CAMKV: variants seen among roughly 807,000 people sequenced by gnomAD.
CAMKV encodes caM kinase-like vesicle-associated protein.
A neutral mutation model predicts 50.2 loss-of-function variants in CAMKV; 5 were observed. The ratio of observed to expected loss-of-function variants is 0.10; its 90% CI spans 0.05 to 0.21. The LOEUF (loss-of-function observed/expected upper bound fraction) is 0.21. Ranked by LOEUF, CAMKV falls within the 10% of genes least tolerant of loss-of-function variation. The pLI, the probability that CAMKV is intolerant of heterozygous loss-of-function variation, is 1.00. For missense variants in CAMKV, 361 were observed against 650.5 expected, an observed-to-expected ratio of 0.55 and a Z score of 4.84; for synonymous variants, 229 against 250.1, an observed-to-expected ratio of 0.92 and a Z score of 0.80.
chr3:49,862,001 C>T lies in CAMKV; in HGVS notation c.227+44G>A. Reference sequence around the variant, plus strand: ...AGGCCACTTGCCCTCTAAGCCCTTCCCTGCTGCCTCCCACCCCGCCCCAAT... The same window carrying T: ...AGGCCACTTGCCCTCTAAGCCCTTCTCTGCTGCCTCCCACCCCGCCCCAAT... On this transcript the variant is annotated intron_variant, in intron 3 of 10. Transcript: ENST00000477224. This position sits in a 1 kb window ranked among gnomAD's most constrained non-coding sequence, Gnocchi z 5.2. 1 of 1,613,358 alleles carries T rather than the reference C, an allele frequency of 6.2e-7. No individual in the cohort carries two copies. The highest frequency in any genetic ancestry group is 8.5e-7 in the Non-Finnish European group (1 of 1,179,652).
intron 1 of CAMKV, among the ~76,000 whole-genome samples, chr3:49,864,652 G>C (rs568280308): frequency 2.6e-5 from 4 of 152,260 alleles, no homozygotes; most frequent in Admixed American, 6.5e-5. Context: ...TGTGACACTG[G>C]GGCTACAGCA....
intron 1 of CAMKV, among the ~76,000 whole-genome samples, chr3:49,867,753 A>G (rs183411836): frequency 6.8e-4 from 103 of 152,074 alleles, no homozygotes; most frequent in Non-Finnish European, 1.1e-3. Context: ...GAATTTAGAA[A>G]AAAGAGAATG....
At position 49,861,778 on chromosome 3, in the gene CAMKV, G is replaced by C. The variant is rs771108006; in HGVS notation, c.302+13C>G. 1 of 1,613,504 alleles carries C rather than the reference G, an allele frequency of 6.2e-7. No individual in the cohort carries two copies. Among genetic ancestry groups the C allele is most frequent in the East Asian group, 2.2e-5 (1 of 44,884 alleles). ...GGCGCTGGGGAATCTTGGGTCCCCAGACCCACACTCACAGCTCCAGGAAGA... is the reference window on the plus strand; with the variant it reads ...GGCGCTGGGGAATCTTGGGTCCCCACACCCACACTCACAGCTCCAGGAAGA... On this transcript the variant is annotated intron_variant, in intron 4 of 10. Transcript: ENST00000477224. The surrounding 1 kb of genome is among the most constrained non-coding windows in gnomAD (Gnocchi z 7.7).
chr3:49,862,526 G>T lies in CAMKV; in HGVS notation c.-14-124C>A. The T allele has an allele frequency of 2.6e-6, 2 of 780,428 alleles. No homozygotes were observed. Among genetic ancestry groups the T allele is most frequent in the Non-Finnish European group, 2.2e-6 (1 of 458,704 alleles). 48.3% of individuals were successfully genotyped at this position (780,428 alleles called of 1,614,324 possible). ...TAGGGGCAGAGACCATACCAGGAGG[G>T]GCTAGAGGATAGGCAGGCTTAGATC... On this transcript the variant is annotated intron_variant, in intron 1 of 10. Transcript: ENST00000477224. This position sits in a 1 kb window ranked among gnomAD's most constrained non-coding sequence, Gnocchi z 5.2.
In CAMKV at chr3:49,858,338, C is replaced by T; in HGVS notation, c.*980G>A. Reference sequence around the variant, plus strand: ...TTGTTGAACTGAGCAGAAAATCTGCCCCTGTAAAGGGCAAACCTCCAAATC... The same window carrying T: ...TTGTTGAACTGAGCAGAAAATCTGCTCCTGTAAAGGGCAAACCTCCAAATC... On this transcript the variant is annotated 3_prime_UTR_variant, in exon 11 of 11. Coordinates refer to ENST00000477224, the MANE Select transcript of CAMKV (RefSeq NM_024046.5). 2.5e-6 allele frequency: 1 copy of T among 398,586 alleles called. No individual in the cohort carries two copies. The highest frequency in any genetic ancestry group is 4.4e-5 in the Admixed American group (1 of 22,738). 24.7% of individuals were successfully genotyped at this position (398,586 alleles called of 1,614,324 possible).
intron 1 of CAMKV, among the ~76,000 whole-genome samples, chr3:49,865,831 C>T (rs1347607621): frequency 6.6e-6 from 1 of 152,272 alleles, no homozygotes; most frequent in Non-Finnish European, 1.5e-5. Context: ...CCCACTCCAA[C>T]AGCTCCCAGC....
rs1479454460 is a variant in CAMKV at position 49,860,134 on chromosome 3, T to G, written c.942+37A>C. 6.4e-7 allele frequency: 1 copy of G among 1,567,342 alleles called. No homozygotes were observed. Among genetic ancestry groups the G allele is most frequent in the South Asian group, 1.1e-5 (1 of 90,106 alleles). ...GAAACTGAGTGCCAGAAGCAATACT[T>G]GGGATAGAGCCAAGAAGGGAGTTAT... is the stretch of plus-strand genomic sequence containing the variant. On this transcript the variant is annotated intron_variant, in intron 10 of 10. Coordinates refer to ENST00000477224, the MANE Select transcript of CAMKV (RefSeq NM_024046.5). This position sits in a 1 kb window ranked among gnomAD's most constrained non-coding sequence, Gnocchi z 6.1.
rs1293236087 is a variant in CAMKV at position 49,859,894 on chromosome 3, C to T, written c.943-13G>A. The T allele has an allele frequency of 6.6e-7, 1 of 1,509,224 alleles. No individual in the cohort carries two copies. Among genetic ancestry groups the T allele is most frequent in the Non-Finnish European group, 8.8e-7 (1 of 1,137,290 alleles). The allele number at this position is 1,509,224 out of a possible 1,614,324, so 93.5% of individuals were successfully genotyped here. A position where few individuals can be genotyped will look rare whatever the true frequency, so the allele number is the denominator to read the frequency against. On this transcript the variant is annotated splice_polypyrimidine_tract_variant and intron_variant, in intron 10 of 10. Transcript: ENST00000477224. The surrounding 1 kb of genome is among the most constrained non-coding windows in gnomAD (Gnocchi z 5.5). The stretch of plus-strand genomic sequence containing the variant: ...CTCGGACAGCCTTCTGAAAGGAGCA[C>T]AGTGGAGAAAGGCTAAGGGTGAGGC...
At chr3:49,867,149 C>G (rs1026792110) in intron 1 of CAMKV, among the ~76,000 whole-genome samples, 1 of 152,228 alleles carries the variant, frequency 6.6e-6, no homozygotes, top group Non-Finnish European at 1.5e-5. Context: ...TGCTGAAGCC[C>G]AAGCCCTGCT....
Position 49,860,131 on chromosome 3 carries a change from A to G in CAMKV, c.942+40T>C, listed in dbSNP as rs1221958912. 6.4e-7 allele frequency: 1 copy of G among 1,556,492 alleles called. No homozygotes were observed. The highest frequency in any genetic ancestry group is 2.2e-5 in the East Asian group (1 of 44,610). On this transcript the variant is annotated intron_variant, in intron 10 of 10. Transcript: ENST00000477224. The surrounding 1 kb of genome is among the most constrained non-coding windows in gnomAD (Gnocchi z 6.1). ...CAAGAAACTGAGTGCCAGAAGCAAT[A>G]CTTGGGATAGAGCCAAGAAGGGAGT...
In CAMKV at chr3:49,860,858, TG is replaced by T; in HGVS notation, c.639-7del. 1 of 1,614,052 alleles carries T rather than the reference TG, an allele frequency of 6.2e-7. No homozygotes were observed. Among genetic ancestry groups the T allele is most frequent in the Non-Finnish European group, 8.5e-7 (1 of 1,179,992 alleles). ...AAGGTGGATTGCCTGAAAGCCTGCA[TG>T]GGGGAAGGGTCACACAGAAAGGCCA... On this transcript the variant is annotated splice_polypyrimidine_tract_variant and splice_region_variant and intron_variant, in intron 7 of 10. Coordinates refer to ENST00000477224, the MANE Select transcript of CAMKV (RefSeq NM_024046.5). The surrounding 1 kb of genome is among the most constrained non-coding windows in gnomAD (Gnocchi z 6.1).
At chr3:49,867,313 A>G (rs2082073197) in intron 1 of CAMKV, among the ~76,000 whole-genome samples, 1 of 152,250 alleles carries the variant, frequency 6.6e-6, no homozygotes, top group Admixed American at 6.5e-5. Context: ...GGCTCGAGCT[A>G]AATCATGGTA....
Position 49,859,180 on chromosome 3 carries a change from CT to C in CAMKV, c.*137del. On this transcript the variant is annotated 3_prime_UTR_variant, in exon 11 of 11. Coordinates refer to ENST00000477224, the MANE Select transcript of CAMKV (RefSeq NM_024046.5). This position sits in a 1 kb window ranked among gnomAD's most constrained non-coding sequence, Gnocchi z 5.5. ...AGACGAGACTGCTCTCCCGTGACCCCTAGTTATGCCCCACTGGGATGTGGGG... is the reference window on the plus strand; with the variant it reads ...AGACGAGACTGCTCTCCCGTGACCCCAGTTATGCCCCACTGGGATGTGGGG... 1.3e-6 allele frequency: 1 copy of C among 782,894 alleles called. No individual in the cohort carries two copies. Among genetic ancestry groups the C allele is most frequent in the Non-Finnish European group, 2.0e-6 (1 of 497,396 alleles). 48.5% of individuals were successfully genotyped at this position (782,894 alleles called of 1,614,324 possible).
chr3:49,864,909 C>G (rs1206137716), intron 1 of CAMKV, among the ~76,000 whole-genome samples: 1 of 152,322 alleles, frequency 6.6e-6, no homozygotes, highest in Admixed American at 6.5e-5. Context: ...AGCCCCATAG[C>G]CAACCCTGGC....
In CAMKV at chr3:49,860,428, G is replaced by T; in HGVS notation, c.854+43C>A. On this transcript the variant is annotated intron_variant, in intron 9 of 10. Transcript: ENST00000477224. This position sits in a 1 kb window ranked among gnomAD's most constrained non-coding sequence, Gnocchi z 6.1. ...TCAAAGATGGGGCTGCTGGGTGTGA[G>T]GGGGACCCTGGCCTCTCCCACCCTC... 1 of 1,599,204 alleles carries T rather than the reference G, an allele frequency of 6.3e-7. No individual in the cohort carries two copies. The highest frequency in any genetic ancestry group is 8.6e-7 in the Non-Finnish European group (1 of 1,169,402).
intron 1 of CAMKV, chr3:49,863,399 C>T (rs2082039766): frequency 6.6e-6 from 1 of 152,142 alleles, no homozygotes; most frequent in South Asian, 2.1e-4. Flanking sequence ...CTATGTTGCC[C>T]AGGCTGGAGT....
rs1407808379 is a variant in CAMKV, at chr3:49,862,154, G to A, written c.118C>T (p.Arg40Trp). The A allele has an allele frequency of 3.7e-6, 6 of 1,614,022 alleles. No homozygotes were observed. The highest frequency in any genetic ancestry group is 1.3e-5 in the African/African-American group (1 of 74,910). Reference sequence around the variant, plus strand: ...TTGCCTGTCGTCTTGTCCTTGGCCCGGAAGATTTCACAAAACTCCTCACTG... The same window carrying A: ...TTGCCTGTCGTCTTGTCCTTGGCCCAGAAGATTTCACAAAACTCCTCACTG... ...IKTEEFCEIFRAKDKTTGKLH... is the reference protein window; with the variant it reads ...IKTEEFCEIFWAKDKTTGKLH... Residue 40 changes from arginine (R) to tryptophan (W), a missense_variant, in exon 3 of 11, where the codon CGG becomes TGG. Physicochemically the swap from Arg to Trp is moderately radical, Grantham distance 101 (BLOSUM62 -3). This residue lies in a region of CAMKV where 172 missense variants were observed against 414.3 expected (regional missense o/e 0.42). Coordinates refer to ENST00000477224, the MANE Select transcript of CAMKV (RefSeq NM_024046.5). This position sits in a 1 kb window ranked among gnomAD's most constrained non-coding sequence, Gnocchi z 5.2.
Position 49,859,805 on chromosome 3 carries a change from G to C in CAMKV, c.1019C>G (p.Ala340Gly). The change falls in exon 11 of 11, where the codon GCC (alanine) becomes GGC (glycine). Residue 340 changes from alanine (A) to glycine (G), a missense_variant. Around this residue, in one of 4 missense-constraint regions of CAMKV, gnomAD observed 87 missense variants for 92.0 expected, o/e 0.95. Coordinates refer to ENST00000477224, the MANE Select transcript of CAMKV (RefSeq NM_024046.5). The surrounding 1 kb of genome is among the most constrained non-coding windows in gnomAD (Gnocchi z 5.5). ...GGGGGTGGCAGTGTCTGTGGCTGAG[G>C]CCGACTGGGCTGCAGCCGTGCTGGA... The part of the protein sequence containing the change: ...EQSSTAAAQS[A>G]SATDTATPGA... 6.5e-7 allele frequency: 1 copy of C among 1,546,548 alleles called. No homozygotes were observed. The highest frequency in any genetic ancestry group is 8.7e-7 in the Non-Finnish European group (1 of 1,150,036).
chr3:49,868,336 TC>T (rs35787355), intron 1 of CAMKV, among the ~76,000 whole-genome samples: 1 of 151,990 alleles, frequency 6.6e-6, no homozygotes, highest in African/African-American at 2.4e-5. Flanking sequence ...CTCTGCTTAA[TC>T]CCCTCTCACC....
Sources: gnomAD v4.1 joint callset for allele counts (sites outside exome capture counted in the v4.1 genomes callset) on GRCh38, gnomAD v4.1.1 for gene constraint, gnomAD v4.1.1 regional missense constraint, Gnocchi (gnomAD v3.1) non-coding constraint, MANE v1.5 for transcripts, NCBI Gene and HGNC (gene_info 2026-07-23, HGNC 2026-07-21) for gene names.